SCAMP1: variants seen among roughly 807,000 people sequenced by gnomAD.
SCAMP1 encodes secretory carrier-associated membrane protein 1.
SCAMP1 carries 15 observed loss-of-function variants against 41.8 expected under a neutral mutation model. That is an observed-to-expected ratio of 0.36 (90% CI 0.24 to 0.55). The LOEUF (loss-of-function observed/expected upper bound fraction) is 0.55. Among genes scored for constraint, SCAMP1 ranks in the 20% least tolerant of loss-of-function variants. The pLI, the probability that SCAMP1 is intolerant of heterozygous loss-of-function variation, is 0.86. For synonymous variants in SCAMP1, 135 were observed against 136.8 expected (o/e 0.99, Z 0.09); for missense variants, 341 against 412.6 (o/e 0.83, Z 1.50).
chr5:78,417,871 A>G (rs1278599629), intron 4 of SCAMP1, among the ~76,000 whole-genome samples: 1 of 152,228 alleles, frequency 6.6e-6, no homozygotes, highest in Non-Finnish European at 1.5e-5. Context: ...GGAGAATCAG[A>G]AATAGGTTAT....
intron 2 of SCAMP1, among the ~76,000 whole-genome samples, chr5:78,394,918 G>A (rs1004103876): frequency 6.6e-6 from 1 of 152,166 alleles, no homozygotes; most frequent in South Asian, 2.1e-4. Flanking sequence ...TTACCTGTCT[G>A]TTCTTTTCAT....
intron 2 of SCAMP1, among the ~76,000 whole-genome samples, chr5:78,402,990 C>T (rs919874368): frequency 4.6e-5 from 7 of 151,992 alleles, no homozygotes; most frequent in African/African-American, 1.7e-4. Flanking sequence ...GCTGTTTCAG[C>T]CTTCTGAGTA....
chr5:78,388,083 G>T (rs1751389558), intron 1 of SCAMP1, among the ~76,000 whole-genome samples: 2 of 152,320 alleles, frequency 1.3e-5, no homozygotes, highest in Admixed American at 6.5e-5. Context: ...AGGGTCTGTG[G>T]ATTCTCTCGG....
intron 2 of SCAMP1, among the ~76,000 whole-genome samples, chr5:78,390,346 ATT>A (rs1751454202): frequency 6.6e-6 from 1 of 152,258 alleles, no homozygotes; most frequent in Non-Finnish European, 1.5e-5. Context: ...TAGCAAATTA[ATT>A]CCAGGTTGGG....
chr5:78,365,597 C>G (rs982804826), intron 1 of SCAMP1, among the ~76,000 whole-genome samples: 16 of 150,880 alleles, frequency 1.1e-4, no homozygotes, highest in African/African-American at 3.7e-4. Context: ...TTTGACTGAT[C>G]ATAGTCAAGG....
chr5:78,362,119 A>G (rs1400440679), intron 1 of SCAMP1, among the ~76,000 whole-genome samples: 2 of 151,730 alleles, frequency 1.3e-5, no homozygotes, highest in Admixed American at 6.6e-5. Flanking sequence ...TGTTTCAATT[A>G]GTATTGGACT....
intron 1 of SCAMP1, among the ~76,000 whole-genome samples, chr5:78,373,033 T>TC (rs1750978570): frequency 6.6e-6 from 1 of 152,122 alleles, no homozygotes; most frequent in East Asian, 1.9e-4. Flanking sequence ...TTGCCTGTGG[T>TC]CACCTAGCTA....
At chr5:78,442,577 G>A (rs945927065) in intron 6 of SCAMP1, among the ~76,000 whole-genome samples, 20 of 152,088 alleles carry the variant, frequency 1.3e-4, no homozygotes, top group Admixed American at 1.2e-3. Flanking sequence ...TTTTATAAGA[G>A]CATAGCCTAT....
At chr5:78,465,255 A>C (rs1461052938) in intron 8 of SCAMP1, among the ~76,000 whole-genome samples, 1 of 152,214 alleles carries the variant, frequency 6.6e-6, no homozygotes, top group East Asian at 1.9e-4. Context: ...CCGCGTGAAC[A>C]AGTCTTTTAG....
intron 1 of SCAMP1, among the ~76,000 whole-genome samples, chr5:78,372,018 A>G (rs188602171): frequency 6.6e-6 from 1 of 152,368 alleles, no homozygotes; most frequent in Admixed American, 6.5e-5. Flanking sequence ...ATAATTTAGT[A>G]TATATAGCTA....
intron 1 of SCAMP1, among the ~76,000 whole-genome samples, chr5:78,363,437 C>T (rs1236414094): frequency 1.3e-5 from 2 of 152,138 alleles, no homozygotes; most frequent in African/African-American, 4.8e-5. Flanking sequence ...TCTCGATCTC[C>T]TGACCTCGTG....
At chr5:78,384,391 C>T (rs1402943714) in intron 1 of SCAMP1, among the ~76,000 whole-genome samples, 4 of 152,052 alleles carry the variant, frequency 2.6e-5, no homozygotes. Context: ...ATGATCATGT[C>T]ATCAGCAAAC....
At chr5:78,420,722 A>C (rs951430918) in intron 5 of SCAMP1, among the ~76,000 whole-genome samples, 2 of 152,158 alleles carry the variant, frequency 1.3e-5, no homozygotes, top group Non-Finnish European at 1.5e-5. Context: ...AAAACAAAAA[A>C]CAAAACTCTA....
intron 6 of SCAMP1, among the ~76,000 whole-genome samples, chr5:78,445,966 G>C (rs975439559): frequency 2.0e-5 from 3 of 152,218 alleles, no homozygotes; most frequent in African/African-American, 7.2e-5. Flanking sequence ...TTAACGGTCA[G>C]TGTGCAATGA....
At chr5:78,408,435 A>G (rs1251097481) in intron 2 of SCAMP1, among the ~76,000 whole-genome samples, 2 of 152,106 alleles carry the variant, frequency 1.3e-5, no homozygotes, top group Admixed American at 6.6e-5. Flanking sequence ...AGCCAAACCC[A>G]TGTCACCTGG....
intron 6 of SCAMP1, among the ~76,000 whole-genome samples, chr5:78,425,235 T>C (rs1266413188): frequency 6.6e-6 from 1 of 152,194 alleles, no homozygotes; most frequent in Non-Finnish European, 1.5e-5. Flanking sequence ...TTTTTAATTA[T>C]GATGTATTTA....
At chr5:78,389,455 A>G (rs1751432574) in intron 2 of SCAMP1, among the ~76,000 whole-genome samples, 1 of 152,136 alleles carries the variant, frequency 6.6e-6, no homozygotes, top group Non-Finnish European at 1.5e-5. Context: ...TTTATTGTAG[A>G]GACAGTGTCT....
At chr5:78,362,699 G>C (rs1056359420) in intron 1 of SCAMP1, among the ~76,000 whole-genome samples, 1 of 151,974 alleles carries the variant, frequency 6.6e-6, no homozygotes, top group African/African-American at 2.4e-5. Context: ...CAGTGTATCT[G>C]ACCCTTTATT....
At chr5:78,447,216 T>G (rs1362668902) in intron 6 of SCAMP1, among the ~76,000 whole-genome samples, 1 of 152,186 alleles carries the variant, frequency 6.6e-6, no homozygotes, top group Non-Finnish European at 1.5e-5. Flanking sequence ...GCCAAAAAGG[T>G]TGGGGACCAC....
Sources: gnomAD v4.1 joint callset for allele counts (sites outside exome capture counted in the v4.1 genomes callset) on GRCh38, gnomAD v4.1.1 for gene constraint, MANE v1.5 for transcripts, NCBI Gene and HGNC (gene_info 2026-07-23, HGNC 2026-07-21) for gene names.